The following CNTNAP2 variants were observed in gnomAD, a reference collection of about 807,000 sequenced individuals.
CNTNAP2 encodes contactin associated protein 2, also known as contactin-associated protein-like 2.
CNTNAP2 carries 98 observed loss-of-function variants against 155.2 expected under a neutral mutation model. The observed-to-expected ratio is 0.63, with a 90% CI of 0.54 to 0.75. The LOEUF (loss-of-function observed/expected upper bound fraction) is 0.75, where lower values mean the gene tolerates loss of function less well. Ranked by LOEUF, CNTNAP2 falls within the 30% of genes least tolerant of loss-of-function variation. CNTNAP2 has a pLI of 0.00. For synonymous variants in CNTNAP2, 651 were observed against 631.2 expected (o/e 1.03, Z -0.47); for missense variants, 1,727 against 1,688.1 (o/e 1.02, Z -0.40).
chr7:147,628,767 A>T (rs1795032316), intron 12 of CNTNAP2, among the ~76,000 whole-genome samples: 1 of 152,008 alleles, frequency 6.6e-6, no homozygotes, highest in African/African-American at 2.4e-5. Context: ...AACTTAAGGT[A>T]AAGGGGTGGA....
chr7:147,485,825 T>C, intron 10 of CNTNAP2, 110 bp from the exon 11 acceptor site: 2 of 1,036,210 alleles, frequency 1.9e-6, no homozygotes, highest in Admixed American at 1.7e-5. Flanking sequence ...ATTGCCTTGG[T>C]AAGGCAACCT....
intron 1 of CNTNAP2, among the ~76,000 whole-genome samples, chr7:146,190,369 A>T (rs1351481246): frequency 6.6e-6 from 1 of 152,164 alleles, no homozygotes; most frequent in Non-Finnish European, 1.5e-5. Flanking sequence ...AAGACTGTTG[A>T]AGTACGATAA....
chr7:147,228,991 C>T (rs992617377), intron 8 of CNTNAP2, among the ~76,000 whole-genome samples: 5 of 151,930 alleles, frequency 3.3e-5, no homozygotes, highest in African/African-American at 1.2e-4. Flanking sequence ...TGAACTCATC[C>T]TTTTGTATGG....
intron 12 of CNTNAP2, among the ~76,000 whole-genome samples, chr7:147,585,177 G>A (rs1337238807): frequency 6.6e-6 from 1 of 152,020 alleles, no homozygotes; most frequent in African/African-American, 2.4e-5. Context: ...TCAGCAGCAG[G>A]CATATTTACA....
intron 3 of CNTNAP2, among the ~76,000 whole-genome samples, chr7:146,925,489 A>G (rs1043324068): frequency 2.0e-5 from 3 of 152,208 alleles, no homozygotes; most frequent in East Asian, 1.9e-4. Flanking sequence ...ATTGTTATGA[A>G]TTTACCTACG....
chr7:147,980,721 G>A (rs1325164957), intron 15 of CNTNAP2, among the ~76,000 whole-genome samples: 4 of 150,894 alleles, frequency 2.7e-5, no homozygotes, highest in East Asian at 2.0e-4. Context: ...TCAGGAGATC[G>A]AGACCATCCT....
chr7:147,180,083 T>C (rs1802423522), intron 8 of CNTNAP2, among the ~76,000 whole-genome samples: 1 of 152,094 alleles, frequency 6.6e-6, no homozygotes, highest in Non-Finnish European at 1.5e-5. Context: ...GGAGTAGTCC[T>C]GAAAGAGGGA....
At chr7:147,757,217 A>G (rs559235626) in intron 13 of CNTNAP2, among the ~76,000 whole-genome samples, 1 of 152,292 alleles carries the variant, frequency 6.6e-6, no homozygotes, top group South Asian at 2.1e-4. Flanking sequence ...CCTCTGCCCA[A>G]ATAGTCATTT....
intron 8 of CNTNAP2, among the ~76,000 whole-genome samples, chr7:147,215,064 C>G (rs1803236475): frequency 6.6e-6 from 1 of 152,060 alleles, no homozygotes; most frequent in Admixed American, 6.6e-5. Flanking sequence ...CCCCCATGAT[C>G]CAATCACCTC....
intron 13 of CNTNAP2, among the ~76,000 whole-genome samples, chr7:147,770,241 A>G (rs1393545465): frequency 2.6e-5 from 4 of 152,222 alleles, no homozygotes; most frequent in Non-Finnish European, 5.9e-5. Context: ...ATGATAATCT[A>G]CAATCTATAG....
chr7:146,612,854 A>G (rs997806107), intron 1 of CNTNAP2, among the ~76,000 whole-genome samples: 1 of 151,502 alleles, frequency 6.6e-6, no homozygotes, highest in Non-Finnish European at 1.5e-5. Context: ...CAGCTCATTT[A>G]AAAACTACTA....
intron 10 of CNTNAP2, among the ~76,000 whole-genome samples, chr7:147,405,389 T>G (rs1796988307): frequency 6.6e-6 from 1 of 152,192 alleles, no homozygotes; most frequent in Admixed American, 6.5e-5. Flanking sequence ...GATTTCACAC[T>G]AAGAATTCAT....
At chr7:146,391,623 G>A (rs979843777) in intron 1 of CNTNAP2, among the ~76,000 whole-genome samples, 1 of 152,064 alleles carries the variant, frequency 6.6e-6, no homozygotes, top group African/African-American at 2.4e-5. Flanking sequence ...TCTAGTCAAA[G>A]GTTCAAATGA....
At chr7:146,869,547 G>C (rs1466804797) in intron 3 of CNTNAP2, among the ~76,000 whole-genome samples, 1 of 152,134 alleles carries the variant, frequency 6.6e-6, no homozygotes, top group Non-Finnish European at 1.5e-5. Context: ...CCATCTGCAA[G>C]TAGAGGAGCA....
At chr7:148,260,692 G>A (rs946658482) in intron 20 of CNTNAP2, among the ~76,000 whole-genome samples, 3 of 152,192 alleles carry the variant, frequency 2.0e-5, no homozygotes, top group African/African-American at 4.8e-5. Flanking sequence ...CTAGGGCTGA[G>A]GGAGCCCATC....
intron 4 of CNTNAP2, among the ~76,000 whole-genome samples, chr7:147,083,454 A>C (rs1383649411): frequency 1.3e-5 from 2 of 150,876 alleles, no homozygotes; most frequent in Non-Finnish European, 3.0e-5. Context: ...CATTAAATTT[A>C]AAATTGTACA....
chr7:148,240,281 TG>T (rs1796122126), intron 20 of CNTNAP2, among the ~76,000 whole-genome samples: 1 of 152,184 alleles, frequency 6.6e-6, no homozygotes, highest in African/African-American at 2.4e-5. Flanking sequence ...GTTTATATTC[TG>T]GGAGGGGAGA....
At chr7:147,839,188 G>T (rs1222170283) in intron 13 of CNTNAP2, among the ~76,000 whole-genome samples, 2 of 152,062 alleles carry the variant, frequency 1.3e-5, no homozygotes, top group Non-Finnish European at 2.9e-5. Context: ...TGATTAGATT[G>T]TATCCACCCA....
chr7:146,647,393 G>A (rs561025602), intron 1 of CNTNAP2, among the ~76,000 whole-genome samples: 1 of 151,988 alleles, frequency 6.6e-6, no homozygotes, highest in South Asian at 2.1e-4. Context: ...GAAAAGTTCA[G>A]TATCTTTATA....
Sources: gnomAD v4.1 joint callset for allele counts (sites outside exome capture counted in the v4.1 genomes callset) on GRCh38, gnomAD v4.1.1 for gene constraint, MANE v1.5 for transcripts, NCBI Gene and HGNC (gene_info 2026-07-23, HGNC 2026-07-21) for gene names.